The following GRM7 variants were observed in gnomAD, a reference collection of about 807,000 sequenced individuals.
GRM7 encodes the protein glutamate metabotropic receptor 7, also known as metabotropic glutamate receptor 7.
A neutral mutation model predicts 84.5 loss-of-function variants in GRM7; 35 were observed. That is an observed-to-expected ratio of 0.41 (90% confidence interval 0.32 to 0.55). The LOEUF is 0.55. Ranked by LOEUF, GRM7 falls within the 20% of genes least tolerant of loss-of-function variation. The pLI, the probability that GRM7 is intolerant of heterozygous loss-of-function variation, is 0.19. For missense variants in GRM7, 1,003 were observed against 1,194.6 expected, an observed-to-expected ratio of 0.84 and a Z score of 2.36; for synonymous variants, 487 against 455.1, an observed-to-expected ratio of 1.07 and a Z score of -0.89.
chr3:7,170,006 G>A (rs10212367), intron 2 of GRM7, among the ~76,000 whole-genome samples: 9,551 of 152,196 alleles, frequency 0.063, 734 homozygotes, highest in African/African-American at 0.17. Context: ...GGCCTCATCC[G>A]TAGAGTTTGT....
At chr3:6,893,482 G>T (rs915227213) in intron 1 of GRM7, among the ~76,000 whole-genome samples, 2 of 152,080 alleles carry the variant, frequency 1.3e-5, no homozygotes, top group African/African-American at 4.8e-5. Context: ...CCTAATTGAG[G>T]CAATTATCTT....
At chr3:6,886,564 T>A (rs1695703142) in intron 1 of GRM7, among the ~76,000 whole-genome samples, 1 of 152,154 alleles carries the variant, frequency 6.6e-6, no homozygotes, top group African/African-American at 2.4e-5. Flanking sequence ...TTCCATTATG[T>A]CTTAATTGAG....
intron 2 of GRM7, among the ~76,000 whole-genome samples, chr3:7,216,314 A>T (rs146652444): frequency 1.3e-5 from 2 of 152,322 alleles, no homozygotes; most frequent in East Asian, 3.9e-4. Context: ...ATAATTATAT[A>T]AACAATGAGA....
intron 2 of GRM7, among the ~76,000 whole-genome samples, chr3:7,265,330 C>T (rs1042772133): frequency 6.6e-6 from 1 of 152,098 alleles, no homozygotes; most frequent in African/African-American, 2.4e-5. Context: ...CATATAATGC[C>T]TACTATATGC....
At chr3:6,881,180 G>T (rs551121144) in intron 1 of GRM7, among the ~76,000 whole-genome samples, 3 of 152,112 alleles carry the variant, frequency 2.0e-5, no homozygotes, top group Admixed American at 6.5e-5. Flanking sequence ...AGGATGTGCA[G>T]GTTTGTTACA....
At chr3:6,994,337 T>G (rs940456816) in intron 1 of GRM7, among the ~76,000 whole-genome samples, 3 of 152,172 alleles carry the variant, frequency 2.0e-5, no homozygotes, top group Non-Finnish European at 2.9e-5. Flanking sequence ...GTGGTTTTGT[T>G]TCTCCGATAA....
intron 2 of GRM7, among the ~76,000 whole-genome samples, chr3:7,279,676 C>A (rs1699190086): frequency 6.6e-6 from 1 of 152,162 alleles, no homozygotes; most frequent in Non-Finnish European, 1.5e-5. Context: ...CTACCTGAGA[C>A]CTTCATGCCT....
At chr3:7,567,277 A>G (rs1021295205) in intron 7 of GRM7, among the ~76,000 whole-genome samples, 1 of 152,216 alleles carries the variant, frequency 6.6e-6, no homozygotes, top group Non-Finnish European at 1.5e-5. Context: ...ATAATAGAGT[A>G]TAACTAAGCA....
At chr3:7,542,221 A>C (rs1041237321) in intron 7 of GRM7, among the ~76,000 whole-genome samples, 1 of 152,168 alleles carries the variant, frequency 6.6e-6, no homozygotes, top group African/African-American at 2.4e-5. Context: ...TGCAGGACAC[A>C]ATTCAACCCA....
At chr3:7,722,579 A>C (rs1701988585) in intron 9 of GRM7, among the ~76,000 whole-genome samples, 2 of 151,708 alleles carry the variant, frequency 1.3e-5, no homozygotes, top group African/African-American at 2.4e-5. Context: ...AGTAGCTGGG[A>C]CCACAGCCAT....
At chr3:7,724,346 T>C (rs1702050895) in intron 9 of GRM7, among the ~76,000 whole-genome samples, 1 of 152,226 alleles carries the variant, frequency 6.6e-6, no homozygotes, top group South Asian at 2.1e-4. Flanking sequence ...ATTTATTCAG[T>C]AGAAGCCACT....
At chr3:7,672,028 T>C (rs149814676) in intron 8 of GRM7, among the ~76,000 whole-genome samples, 58 of 152,192 alleles carry the variant, frequency 3.8e-4, no homozygotes, top group African/African-American at 1.4e-3. Context: ...AACAAAAATA[T>C]TTTTCCTCCC....
chr3:7,128,001 C>T (rs1693458392), intron 1 of GRM7, among the ~76,000 whole-genome samples: 1 of 151,776 alleles, frequency 6.6e-6, no homozygotes, highest in Non-Finnish European at 1.5e-5. Flanking sequence ...AGGAAACACA[C>T]ACTATAATTT....
Position 7,313,925 on chromosome 3 carries a change from A to G in GRM7, c.1033+7273A>G, listed in dbSNP as rs1281616465. Among the ~76,000 whole-genome samples the G allele has an allele frequency of 1.1e-4, 17 of 152,118 alleles. 1 individual carries two copies. Reference sequence around the variant, plus strand: ...GCAAAGTTGTAAAATGGAGAGAGAGAGAGAGAGAGAGATTTAATATTTTAA... The same window carrying G: ...GCAAAGTTGTAAAATGGAGAGAGAGGGAGAGAGAGAGATTTAATATTTTAA... On this transcript the variant is annotated intron_variant, in intron 4 of 9. Coordinates refer to ENST00000357716, the MANE Select transcript of GRM7 (RefSeq NM_000844.4).
intron 1 of GRM7, among the ~76,000 whole-genome samples, chr3:7,050,455 C>T (rs572406036): frequency 1.3e-5 from 2 of 152,006 alleles, no homozygotes; most frequent in South Asian, 2.1e-4. Context: ...GACAGTTTCA[C>T]ATCTAAACAC....
At chr3:6,949,424 T>C (rs1692613920) in intron 1 of GRM7, among the ~76,000 whole-genome samples, 1 of 152,316 alleles carries the variant, frequency 6.6e-6, no homozygotes, top group African/African-American at 2.4e-5. Context: ...CTGAGAGATC[T>C]GCTGTTAGTC....
At chr3:7,071,399 T>G (rs1001877689) in intron 1 of GRM7, among the ~76,000 whole-genome samples, 68 of 152,122 alleles carry the variant, frequency 4.5e-4, no homozygotes, top group African/African-American at 1.6e-3. Flanking sequence ...TCCCTGCTTT[T>G]AAAGAGGAAA....
At chr3:7,724,367 A>AGGG (rs1702051615) in intron 9 of GRM7, among the ~76,000 whole-genome samples, 1 of 152,200 alleles carries the variant, frequency 6.6e-6, no homozygotes, top group Admixed American at 6.5e-5. Flanking sequence ...CTCCTAATTC[A>AGGG]GGCATGGAAT....
intron 1 of GRM7, among the ~76,000 whole-genome samples, chr3:7,062,424 A>G (rs1697462692): frequency 6.6e-6 from 1 of 151,698 alleles, no homozygotes; most frequent in Non-Finnish European, 1.5e-5. Flanking sequence ...TCATTCCAGG[A>G]ATTAAGAATC....
Sources: allele counts gnomAD v4.1 joint callset (sites outside exome capture counted in the v4.1 genomes callset), GRCh38; gene constraint gnomAD v4.1.1; transcripts MANE v1.5; gene names NCBI Gene and HGNC (gene_info 2026-07-23, HGNC 2026-07-21).